Variants in OTOP2 observed in about 807,000 individuals in gnomAD.
The protein encoded by OTOP2 is proton channel OTOP2.
Under a neutral mutation model 47.4 loss-of-function variants are expected in OTOP2, and 41 were observed. That is an observed-to-expected ratio of 0.87 (90% CI 0.67 to 1.12). The LOEUF is 1.12. OTOP2 is among the 50% of genes most tolerant of loss of function. The pLI, the probability that OTOP2 is intolerant of heterozygous loss-of-function variation, is 0.00. For synonymous variants in OTOP2, 328 were observed against 319.6 expected (o/e 1.03, Z -0.28); for missense variants, 721 against 752.2 (o/e 0.96, Z 0.49).
chr17:74,927,848 G>T, intron 5 of OTOP2, 50 bp downstream of exon 5: 5 of 1,593,160 alleles, frequency 3.1e-6, no homozygotes, highest in Non-Finnish European at 4.3e-6. Context: ...CTTGGGCCGG[G>T]TGCTTTGTGA....
Position 74,924,575 on chromosome 17 carries a change from A to G in OTOP2, c.-33-25A>G. 6.9e-7 allele frequency: 1 copy of G among 1,447,570 alleles called. No homozygotes were observed. Among genetic ancestry groups the G allele is most frequent in the Non-Finnish European group, 9.1e-7 (1 of 1,100,876 alleles). The allele number at this position is 1,447,570 out of a possible 1,614,324, so 89.7% of individuals were successfully genotyped here. A position where few individuals can be genotyped will look rare whatever the true frequency, so the allele number is the denominator to read the frequency against. On this transcript the variant is annotated intron_variant, in intron 1 of 6. Coordinates refer to ENST00000331427, the MANE Select transcript of OTOP2 (RefSeq NM_178160.3). This position sits in a 1 kb window ranked among gnomAD's most constrained non-coding sequence, Gnocchi z 7.7. ...AGGAGAGCCGTCAGGGTTGACCTGG[A>G]GTTTTGTCCGCTCCTCCCCTACAGT...
intron 2 of OTOP2, 70 bp from the exon 3 acceptor site, chr17:74,925,486 C>T (rs1567943497): frequency 6.3e-7 from 1 of 1,581,356 alleles, no homozygotes; most frequent in East Asian, 2.2e-5. Context: ...AGGGCCTGTC[C>T]TCAGCTCGGC....
In OTOP2 at chr17:74,930,108, G is replaced by A. The variant is rs147235485; in HGVS notation, c.644-171G>A. On this transcript the variant is annotated intron_variant, in intron 5 of 6. Transcript: ENST00000331427. This position sits in a 1 kb window ranked among gnomAD's most constrained non-coding sequence, Gnocchi z 4.0. The stretch of plus-strand genomic sequence containing the variant: ...TGAGGCAGGAGAATGGCTTGAATCC[G>A]GGAGGTGAAGCTTGCAGTGAGCCAA... 2.6e-5 allele frequency among the ~76,000 whole-genome samples: 4 copies of A among 152,252 alleles called. No individual in the cohort carries two copies. Among genetic ancestry groups the A allele is most frequent in the East Asian group, 1.9e-4 (1 of 5,162 alleles).
intron 3 of OTOP2, 98 bp from the exon 4 acceptor site, chr17:74,927,125 T>G: frequency 9.0e-7 from 1 of 1,117,306 alleles, no homozygotes; most frequent in South Asian, 1.2e-5. Flanking sequence ...AGTGTAAGGG[T>G]TCCTCAGGCG....
chr17:74,927,560 C>T (rs2039019805), intron 4 of OTOP2, 105 bp from the exon 5 acceptor site: 5 of 1,470,640 alleles, frequency 3.4e-6, no homozygotes, highest in Non-Finnish European at 4.6e-6. Context: ...CCTGTTCACA[C>T]AGGGCCTGGC....
intron 5 of OTOP2, 78 bp downstream of exon 5, chr17:74,927,876 C>G: frequency 6.6e-7 from 1 of 1,526,046 alleles, no homozygotes; most frequent in South Asian, 1.2e-5. Flanking sequence ...ACGTCAGTCT[C>G]CTGTGCCCTC....
chr17:74,925,316 C>T (rs2038997535), intron 2 of OTOP2, among the ~76,000 whole-genome samples: 1 of 152,046 alleles, frequency 6.6e-6, no homozygotes, highest in African/African-American at 2.4e-5. Context: ...GTAGCAGGTC[C>T]ATCCATCCAC....
rs2039078403 is a variant in OTOP2, at chr17:74,933,481, C to T, written c.1625C>T (p.Pro542Leu). The T allele has an allele frequency of 1.2e-6, 2 of 1,614,064 alleles. No homozygotes were observed. Among genetic ancestry groups the T allele is most frequent in the African/African-American group, 1.3e-5 (1 of 74,944 alleles). ...LWAVIVNICLPFGIFYRMHAV... is the reference protein window; with the variant it reads ...LWAVIVNICLLFGIFYRMHAV... ...GCGGTCATCGTCAACATCTGCCTCC[C>T]TTTCGGCATCTTCTACCGCATGCAC... is the stretch of plus-strand genomic sequence containing the variant. The change falls in exon 7 of 7, where the codon CCT becomes CTT. Residue 542 changes from proline (P) to leucine (L), a missense_variant. Pro to Leu is a moderately conservative substitution (Grantham distance 98). Transcript: ENST00000331427. The surrounding 1 kb of genome is among the most constrained non-coding windows in gnomAD (Gnocchi z 4.7).
chr17:74,933,824 C>T lies in OTOP2; in HGVS notation c.*279C>T, dbSNP rs1442439216. 20 of 343,508 alleles carry T rather than the reference C, an allele frequency of 5.8e-5. No homozygotes were observed. The highest frequency in any genetic ancestry group is 9.1e-5 in the Non-Finnish European group (17 of 186,272). The allele number at this position is 343,508 out of a possible 1,614,324, so 21.3% of individuals were successfully genotyped here. A position where few individuals can be genotyped will look rare whatever the true frequency, so the allele number is the denominator to read the frequency against. On this transcript the variant is annotated 3_prime_UTR_variant, in exon 7 of 7. Coordinates refer to ENST00000331427, the MANE Select transcript of OTOP2 (RefSeq NM_178160.3). This position sits in a 1 kb window ranked among gnomAD's most constrained non-coding sequence, Gnocchi z 4.7. ...AGGACCCAACAAGATCTGGAGGTGC[C>T]GGCTCTGGTTCCATCTCTAATCCCC...
At position 74,930,950 on chromosome 17, in the gene OTOP2, C is replaced by T; in HGVS notation, c.1315C>T (p.Pro439Ser). The stretch of plus-strand genomic sequence containing the variant: ...CGGGGCTGAGCCTCACAGTACCCAC[C>T]CCAAGGAGCCCTGCCAAGACCTCAC... ...PPGAEPHSTHPKEPCQDLTFT... is the reference protein window; with the variant it reads ...PPGAEPHSTHSKEPCQDLTFT... Residue 439 changes from proline to serine, a missense_variant, in exon 6 of 7, where the codon CCC becomes TCC. Coordinates refer to ENST00000331427, the MANE Select transcript of OTOP2 (RefSeq NM_178160.3). This position sits in a 1 kb window ranked among gnomAD's most constrained non-coding sequence, Gnocchi z 4.0. 3 of 1,614,096 alleles carry T rather than the reference C, an allele frequency of 1.9e-6. No individual in the cohort carries two copies. Among genetic ancestry groups the T allele is most frequent in the Non-Finnish European group, 2.5e-6 (3 of 1,180,024 alleles).
chr17:74,933,347 C>G lies in OTOP2; in HGVS notation c.1519-28C>G. The G allele has an allele frequency of 6.3e-7, 1 of 1,580,380 alleles. No individual in the cohort carries two copies. The highest frequency in any genetic ancestry group is 2.3e-5 in the East Asian group (1 of 44,240). On this transcript the variant is annotated intron_variant, in intron 6 of 6. Transcript: ENST00000331427. The surrounding 1 kb of genome is among the most constrained non-coding windows in gnomAD (Gnocchi z 4.7). ...ACCCACAGGCATCCATCCAGGCCAGCTCCTGAAATGCTCCTCTCTCCACAC... is the reference window on the plus strand; with the variant it reads ...ACCCACAGGCATCCATCCAGGCCAGGTCCTGAAATGCTCCTCTCTCCACAC...
chr17:74,927,297 C>A lies in OTOP2; in HGVS notation c.509+16C>A. ...ATCTGACCTGGTGAGAACTGCAGCTCGATGCCTGTACCCAGCGTGCTGGTG... is the reference window on the plus strand; with the variant it reads ...ATCTGACCTGGTGAGAACTGCAGCTAGATGCCTGTACCCAGCGTGCTGGTG... On this transcript the variant is annotated intron_variant, in intron 4 of 6. Coordinates refer to ENST00000331427, the MANE Select transcript of OTOP2 (RefSeq NM_178160.3). 6.2e-7 allele frequency: 1 copy of A among 1,608,324 alleles called. No homozygotes were observed. The highest frequency in any genetic ancestry group is 8.5e-7 in the Non-Finnish European group (1 of 1,175,166).
rs762357517 is a variant in OTOP2, at chr17:74,925,590, C to T, written c.348C>T (p.Ile116=). 1 of 1,614,162 alleles carries T rather than the reference C, an allele frequency of 6.2e-7. No individual in the cohort carries two copies. The highest frequency in any genetic ancestry group is 8.5e-7 in the Non-Finnish European group (1 of 1,180,030). ...TGCTGTTTGGAATCTGCACCCTCAT[C>T]ATGGATGTCTTCAAGACCGGCTACT... ...GLVLFGICTL[I]MDVFKTGYYS... Residue 116 remains isoleucine (I), a synonymous_variant, in exon 3 of 7, where the codon ATC becomes ATT. Transcript: ENST00000331427.
At position 74,924,437 on chromosome 17, in the gene OTOP2, G is replaced by A. The variant is rs1371178873; in HGVS notation, c.-34+104G>A. 1 of 604,564 alleles carries A rather than the reference G, an allele frequency of 1.7e-6. No individual in the cohort carries two copies. The highest frequency in any genetic ancestry group is 2.8e-6 in the Non-Finnish European group (1 of 361,160). 37.4% of individuals were successfully genotyped at this position (604,564 alleles called of 1,614,324 possible). On this transcript the variant is annotated intron_variant, in intron 1 of 6. Transcript: ENST00000331427. The surrounding 1 kb of genome is among the most constrained non-coding windows in gnomAD (Gnocchi z 7.7). ...TCCTTTCTTCCCATCCAGCGAGAGGGGCAGGTTCCGCATTTTCTCTTCCCC... is the reference window on the plus strand; with the variant it reads ...TCCTTTCTTCCCATCCAGCGAGAGGAGCAGGTTCCGCATTTTCTCTTCCCC...
chr17:74,929,017 C>T (rs1033788839), intron 5 of OTOP2, among the ~76,000 whole-genome samples: 49 of 152,146 alleles, frequency 3.2e-4, no homozygotes, highest in African/African-American at 1.1e-3. Flanking sequence ...GTACCTGTCC[C>T]GGGGTCAGAA....
chr17:74,930,155 C>A lies in OTOP2; in HGVS notation c.644-124C>A. The A allele has an allele frequency of 9.0e-7, 1 of 1,106,874 alleles. No homozygotes were observed. 68.6% of individuals were successfully genotyped at this position (1,106,874 alleles called of 1,614,324 possible). ...CCAAGATCACACCATTGCACTCCAGCCTGAGCATCAAGAGTGAAACTCCGT... is the reference window on the plus strand; with the variant it reads ...CCAAGATCACACCATTGCACTCCAGACTGAGCATCAAGAGTGAAACTCCGT... On this transcript the variant is annotated intron_variant, in intron 5 of 6. Transcript: ENST00000331427. This position sits in a 1 kb window ranked among gnomAD's most constrained non-coding sequence, Gnocchi z 4.0.
At position 74,933,448 on chromosome 17, in the gene OTOP2, C is replaced by T. The variant is rs765548452; in HGVS notation, c.1592C>T (p.Ser531Phe). 1 of 1,614,182 alleles carries T rather than the reference C, an allele frequency of 6.2e-7. No homozygotes were observed. Among genetic ancestry groups the T allele is most frequent in the East Asian group, 2.2e-5 (1 of 44,888 alleles). Residue 531 changes from serine (S) to phenylalanine (F), a missense_variant, in exon 7 of 7, where the codon TCC (serine) becomes TTC (phenylalanine). Physicochemically the swap from Ser to Phe is radical, Grantham distance 155. Coordinates refer to ENST00000331427, the MANE Select transcript of OTOP2 (RefSeq NM_178160.3). The surrounding 1 kb of genome is among the most constrained non-coding windows in gnomAD (Gnocchi z 4.7). ...GTGGAGGTGGATTTCTACGGCTACTCCCTCTGGGCGGTCATCGTCAACATC... is the reference window on the plus strand; with the variant it reads ...GTGGAGGTGGATTTCTACGGCTACTTCCTCTGGGCGGTCATCGTCAACATC... ...NTVEVDFYGY[S>F]LWAVIVNICL...
Position 74,930,262 on chromosome 17 carries a change from G to A in OTOP2, c.644-17G>A. The A allele has an allele frequency of 9.4e-6, 15 of 1,600,218 alleles. No individual in the cohort carries two copies. Among genetic ancestry groups the A allele is most frequent in the Non-Finnish European group, 1.3e-5 (15 of 1,169,464 alleles). On this transcript the variant is annotated splice_polypyrimidine_tract_variant and intron_variant, in intron 5 of 6. Transcript: ENST00000331427. The surrounding 1 kb of genome is among the most constrained non-coding windows in gnomAD (Gnocchi z 4.0). ...AGGCAGGAGGGCTGTCCAGCCCTGT[G>A]TCTCTCTCCACAACAGAGCATGCAG...
Position 74,924,799 on chromosome 17 carries a change from C to A in OTOP2, c.167C>A (p.Ala56Asp). ...AGCGGCGGAGCCTTCAACAAGGTGG[C>A]CGTGTACGACACCGACGTGTTCGCG... ...LISGGAFNKV[A>D]VYDTDVFALL... The change falls in exon 2 of 7, where the codon GCC becomes GAC. Residue 56 changes from alanine (A) to aspartate (D), a missense_variant. By Grantham distance (126) the Ala-to-Asp change is moderately radical. Coordinates refer to ENST00000331427, the MANE Select transcript of OTOP2 (RefSeq NM_178160.3). This position sits in a 1 kb window ranked among gnomAD's most constrained non-coding sequence, Gnocchi z 7.7. The A allele has an allele frequency of 6.2e-7, 1 of 1,611,584 alleles. No individual in the cohort carries two copies. The highest frequency in any genetic ancestry group is 1.1e-5 in the South Asian group (1 of 90,646).
Sources: gnomAD v4.1 joint callset for allele counts (sites outside exome capture counted in the v4.1 genomes callset) on GRCh38, gnomAD v4.1.1 for gene constraint, Gnocchi (gnomAD v3.1) non-coding constraint, MANE v1.5 for transcripts, NCBI Gene and HGNC (gene_info 2026-07-23, HGNC 2026-07-21) for gene names.